The following LMO3 variants were observed in gnomAD, a reference collection of about 807,000 sequenced individuals.
The protein encoded by LMO3 is LIM domain only 3, also known as LIM domain only protein 3.
Under a neutral mutation model 15.8 loss-of-function variants are expected in LMO3, and 2 were observed. The ratio of observed to expected loss-of-function variants is 0.13; its 90% CI spans 0.05 to 0.40. The LOEUF (loss-of-function observed/expected upper bound fraction) is 0.40, where lower values mean the gene tolerates loss of function less well. LMO3 is among the 10% of genes least tolerant of loss of function. The pLI, the probability that LMO3 is intolerant of heterozygous loss-of-function variation, is 0.99. For missense variants in LMO3, 86 were observed against 182.2 expected (o/e 0.47, Z 3.04); for synonymous variants, 62 against 63.8 (o/e 0.97, Z 0.13).
chr12:16,558,091 A>G (rs1286985118), intron 3 of LMO3, among the ~76,000 whole-genome samples: 1 of 152,062 alleles, frequency 6.6e-6, no homozygotes, highest in East Asian at 1.9e-4. Context: ...ATGGCAGGTA[A>G]AAAAGGCACA....
chr12:16,578,972 T>C (rs1399219011), intron 2 of LMO3, among the ~76,000 whole-genome samples: 2 of 152,212 alleles, frequency 1.3e-5, no homozygotes, highest in Non-Finnish European at 2.9e-5. Context: ...TCTAATGAAG[T>C]ATATTGCATT....
chr12:16,592,581 T>TA, intron 2 of LMO3, among the ~76,000 whole-genome samples: 1 of 152,064 alleles, frequency 6.6e-6, no homozygotes, highest in East Asian at 1.9e-4. Context: ...CCCTTACTCC[T>TA]ACCCACCCAG....
At chr12:16,563,576 T>A (rs541205845) in intron 2 of LMO3, among the ~76,000 whole-genome samples, 1 of 152,292 alleles carries the variant, frequency 6.6e-6, no homozygotes, top group African/African-American at 2.4e-5. Flanking sequence ...ATAATCCTGA[T>A]AATTCTTGTA....
chr12:16,592,566 C>T (rs1009973535), intron 2 of LMO3, among the ~76,000 whole-genome samples: 2 of 151,936 alleles, frequency 1.3e-5, no homozygotes, highest in African/African-American at 4.8e-5. Context: ...TTTTTCCATC[C>T]ACTTCCCTTA....
rs1211753778 is a variant in LMO3, at chr12:16,549,170, C to G, written c.*2052G>C. 6.6e-6 allele frequency: 1 copy of G among 152,024 alleles called. No individual in the cohort carries two copies. Among genetic ancestry groups the G allele is most frequent in the Non-Finnish European group, 1.5e-5 (1 of 68,016 alleles). The allele number at this position is 152,024 out of a possible 1,614,324, so 9.4% of individuals were successfully genotyped here. A position where few individuals can be genotyped will look rare whatever the true frequency, so the allele number is the denominator to read the frequency against. ...ATTAAGAAAACCACTTTTCACTGAT[C>G]TCTCCCCCACATATTTTTAATTTGT... is the stretch of plus-strand genomic sequence containing the variant. On this transcript the variant is annotated 3_prime_UTR_variant, in exon 4 of 4. Coordinates refer to ENST00000537304, the MANE Select transcript of LMO3 (RefSeq NM_018640.5).
At chr12:16,590,943 CA>C (rs1173918348) in intron 2 of LMO3, among the ~76,000 whole-genome samples, 4 of 151,842 alleles carry the variant, frequency 2.6e-5, no homozygotes, top group African/African-American at 7.3e-5. Context: ...AAAAGACATC[CA>C]AAAAAACTTC....
chr12:16,570,302 A>G (rs951491915), intron 2 of LMO3, among the ~76,000 whole-genome samples: 1 of 152,124 alleles, frequency 6.6e-6, no homozygotes, highest in Non-Finnish European at 1.5e-5. Flanking sequence ...GAGACTCATA[A>G]TTACCTTCTT....
In LMO3 at chr12:16,548,489, T is replaced by A. The variant is rs1302654229; in HGVS notation, c.*2733A>T. ...GAAATTACAAACACAGGTCAACTTTTAAACTCAGCACTCTGTTGGAGTGGA... is the reference window on the plus strand; with the variant it reads ...GAAATTACAAACACAGGTCAACTTTAAAACTCAGCACTCTGTTGGAGTGGA... On this transcript the variant is annotated 3_prime_UTR_variant, in exon 4 of 4. Coordinates refer to ENST00000537304, the MANE Select transcript of LMO3 (RefSeq NM_018640.5). This position sits in a 1 kb window ranked among gnomAD's most constrained non-coding sequence, Gnocchi z 4.2. 4 of 152,182 alleles carry A rather than the reference T, an allele frequency of 2.6e-5. No individual in the cohort carries two copies. Among genetic ancestry groups the A allele is most frequent in the African/African-American group, 9.6e-5 (4 of 41,458 alleles). 9.4% of individuals were successfully genotyped at this position (152,182 alleles called of 1,614,324 possible).
In LMO3 at chr12:16,599,565, GA is replaced by G. The variant is rs1489567379; in HGVS notation, c.206+1089del. On this transcript the variant is annotated intron_variant, in intron 2 of 3. Coordinates refer to ENST00000537304, the MANE Select transcript of LMO3 (RefSeq NM_018640.5). The surrounding 1 kb of genome is among the most constrained non-coding windows in gnomAD (Gnocchi z 4.1). ...TTGATTGATAAATTTTGTCATAAGG[GA>G]AAAAATTCCAAATAAATCGCTTAAT... The G allele has an allele frequency of 1.3e-5, 2 of 152,008 alleles. No homozygotes were observed. Among genetic ancestry groups the G allele is most frequent in the African/African-American group, 2.4e-5 (1 of 41,404 alleles). 9.4% of individuals were successfully genotyped at this position (152,008 alleles called of 1,614,324 possible).
intron 2 of LMO3, among the ~76,000 whole-genome samples, chr12:16,572,055 A>G (rs1942828843): frequency 1.3e-5 from 2 of 152,018 alleles, no homozygotes; most frequent in Admixed American, 1.3e-4. Flanking sequence ...CCTTTTTGGA[A>G]TAAGAAATTA....
At chr12:16,572,696 ATATAT>A (rs1349406593) in intron 2 of LMO3, among the ~76,000 whole-genome samples, 2 of 147,796 alleles carry the variant, frequency 1.4e-5, no homozygotes, top group African/African-American at 2.4e-5. Flanking sequence ...TATAATTTAA[ATATAT>A]TATATATAAT....
intron 3 of LMO3, among the ~76,000 whole-genome samples, chr12:16,556,219 T>C (rs912295937): frequency 2.0e-5 from 3 of 152,252 alleles, no homozygotes; most frequent in Non-Finnish European, 4.4e-5. Flanking sequence ...TATTGTGTTT[T>C]CTAAGGAGAA....
Position 16,599,046 on chromosome 12 carries a change from A to G in LMO3, c.206+1609T>C, listed in dbSNP as rs1342138353. 3.1e-5 allele frequency: 5 copies of G among 162,394 alleles called. No homozygotes were observed. The highest frequency in any genetic ancestry group is 1.2e-4 in the African/African-American group (5 of 41,784). The allele number at this position is 162,394 out of a possible 1,614,324, so 10.1% of individuals were successfully genotyped here. A position where few individuals can be genotyped will look rare whatever the true frequency, so the allele number is the denominator to read the frequency against. On this transcript the variant is annotated intron_variant, in intron 2 of 3. Transcript: ENST00000537304. This position sits in a 1 kb window ranked among gnomAD's most constrained non-coding sequence, Gnocchi z 4.1. The stretch of plus-strand genomic sequence containing the variant: ...TGGTTAGTACAGATAAAGCAAAACT[A>G]AAAAGCAGTATTAAATCACTAAAAG...
rs1219106644 is a variant in LMO3 at position 16,593,359 on chromosome 12, A to G, written c.206+7296T>C. 6.6e-6 allele frequency among the ~76,000 whole-genome samples: 1 copy of G among 151,782 alleles called. No homozygotes were observed. Among genetic ancestry groups the G allele is most frequent in the Non-Finnish European group, 1.5e-5 (1 of 67,766 alleles). On this transcript the variant is annotated intron_variant, in intron 2 of 3. Transcript: ENST00000537304. This position sits in a 1 kb window ranked among gnomAD's most constrained non-coding sequence, Gnocchi z 4.2. ...TGCTGATTAGAGTCTAACTTAATAC[A>G]TGCAGCTTAATGTTAATTTTCCACC...
In LMO3 at chr12:16,604,602, A is replaced by C. The variant is rs903159881; in HGVS notation, c.-9+1464T>G. 4 of 528,986 alleles carry C rather than the reference A, an allele frequency of 7.6e-6. No homozygotes were observed. The highest frequency in any genetic ancestry group is 1.3e-5 in the Non-Finnish European group (4 of 299,452). 32.8% of individuals were successfully genotyped at this position (528,986 alleles called of 1,614,324 possible). A position where few individuals can be genotyped will look rare whatever the true frequency, so the allele number is the denominator to read the frequency against. On this transcript the variant is annotated intron_variant, in intron 1 of 3. Transcript: ENST00000537304. This position sits in a 1 kb window ranked among gnomAD's most constrained non-coding sequence, Gnocchi z 5.3. ...AAGAAACATACATACACTCTAACAA[A>C]GAATCCCTTGCGGAGTTTATGCTCC...
chr12:16,550,073 C>T lies in LMO3; in HGVS notation c.*1149G>A, dbSNP rs1292853004. On this transcript the variant is annotated 3_prime_UTR_variant, in exon 4 of 4. Coordinates refer to ENST00000537304, the MANE Select transcript of LMO3 (RefSeq NM_018640.5). ...CACTAGTTCTCAGCATTTTATCAAT[C>T]CCTTTGTTTCTCTTCTTCTAGAAGA... The T allele has an allele frequency of 6.6e-6, 1 of 151,934 alleles. No homozygotes were observed. The highest frequency in any genetic ancestry group is 2.4e-5 in the African/African-American group (1 of 41,404). The allele number at this position is 151,934 out of a possible 1,614,324, so 9.4% of individuals were successfully genotyped here.
At chr12:16,602,749 C>A (rs183761493) in intron 1 of LMO3, among the ~76,000 whole-genome samples, 1 of 152,280 alleles carries the variant, frequency 6.6e-6, no homozygotes, top group East Asian at 1.9e-4. Context: ...TAGCAAGGTT[C>A]CACAAGGAGT....
rs1257144227 is a variant in LMO3 at position 16,560,364 on chromosome 12, G to A, written c.332+49C>T. ...TTTCCACCTATTAAATAAATAGCCA[G>A]CACAGAGAGGTTAACCATTTCTTAG... On this transcript the variant is annotated intron_variant, in intron 3 of 3. Coordinates refer to ENST00000537304, the MANE Select transcript of LMO3 (RefSeq NM_018640.5). The surrounding 1 kb of genome is among the most constrained non-coding windows in gnomAD (Gnocchi z 5.0). 1 of 1,581,136 alleles carries A rather than the reference G, an allele frequency of 6.3e-7. No individual in the cohort carries two copies. The highest frequency in any genetic ancestry group is 1.8e-5 in the Admixed American group (1 of 55,210).
intron 1 of LMO3, 59 bp downstream of exon 1, chr12:16,606,007 C>T: frequency 1.6e-6 from 1 of 610,558 alleles, no homozygotes; most frequent in Non-Finnish European, 2.9e-6. Flanking sequence ...CACGCGCGCA[C>T]CCGCAGACAC....
Sources: gnomAD v4.1 joint callset for allele counts (sites outside exome capture counted in the v4.1 genomes callset) on GRCh38, gnomAD v4.1.1 for gene constraint, Gnocchi (gnomAD v3.1) non-coding constraint, MANE v1.5 for transcripts, NCBI Gene and HGNC (gene_info 2026-07-23, HGNC 2026-07-21) for gene names.